Variants in GUCY2C observed in about 807,000 individuals in gnomAD.
GUCY2C encodes the protein guanylate cyclase 2C.
A neutral mutation model predicts 131.1 loss-of-function variants in GUCY2C; 118 were observed. The observed-to-expected ratio is 0.90, with a 90% CI of 0.78 to 1.05. GUCY2C has a LOEUF of 1.05. Among genes scored for constraint, GUCY2C ranks in the 50% least tolerant of loss-of-function variants. The pLI is 0.00. For missense variants in GUCY2C, 1,161 were observed against 1,304.4 expected (o/e 0.89, Z 1.69); for synonymous variants, 452 against 457.8 (o/e 0.99, Z 0.16).
intron 23 of GUCY2C, among the ~76,000 whole-genome samples, chr12:14,620,156 T>C (rs1365548541): frequency 6.6e-6 from 1 of 152,218 alleles, no homozygotes. Flanking sequence ...AAGTTTGGCC[T>C]GAGGCTGCCT....
At chr12:14,640,954 G>T in intron 18 of GUCY2C, 128 bp downstream of exon 18, 1 of 802,354 alleles carries the variant, frequency 1.2e-6, no homozygotes, top group Non-Finnish European at 2.1e-6. Flanking sequence ...GCATAATGCA[G>T]ATGGGAAATC....
intron 1 of GUCY2C, among the ~76,000 whole-genome samples, chr12:14,689,267 G>A (rs7302264): frequency 0.026 from 3,923 of 152,140 alleles, 151 homozygotes; most frequent in African/African-American, 0.091. Context: ...TCAGAATAAC[G>A]CCAATATTTT....
At chr12:14,630,097 C>CTT (rs1159231513) in intron 19 of GUCY2C, among the ~76,000 whole-genome samples, 3 of 143,614 alleles carry the variant, frequency 2.1e-5, no homozygotes, top group East Asian at 2.0e-4. Flanking sequence ...CTGTTTGCAG[C>CTT]TTTTTTTTTT....
chr12:14,671,135 A>G (rs1245969842), intron 9 of GUCY2C, among the ~76,000 whole-genome samples: 2 of 151,818 alleles, frequency 1.3e-5, no homozygotes, highest in Non-Finnish European at 2.9e-5. Flanking sequence ...GACACAGCCA[A>G]ACTATATCAG....
intron 1 of GUCY2C, among the ~76,000 whole-genome samples, chr12:14,689,175 G>A (rs192775764): frequency 6.6e-6 from 1 of 152,326 alleles, no homozygotes; most frequent in Admixed American, 6.5e-5. Context: ...TGGAGCAAAA[G>A]TAGAGAAAAA....
At chr12:14,658,330 C>T (rs897770455) in intron 11 of GUCY2C, among the ~76,000 whole-genome samples, 2 of 151,926 alleles carry the variant, frequency 1.3e-5, no homozygotes, top group African/African-American at 4.8e-5. Context: ...TTTTCTTTGA[C>T]TTTTCCTTTT....
In GUCY2C at chr12:14,625,738, T is replaced by C; in HGVS notation, c.2408+19A>G. The C allele has an allele frequency of 6.2e-7, 1 of 1,611,856 alleles. No homozygotes were observed. The highest frequency in any genetic ancestry group is 8.5e-7 in the Non-Finnish European group (1 of 1,178,396). ...TGCTAGAGGGATTTCAGCCTCCACA[T>C]CAGCAAGGCTTGCCTTACCTTGGAA... On this transcript the variant is annotated intron_variant, in intron 21 of 26. Coordinates refer to ENST00000261170, the MANE Select transcript of GUCY2C (RefSeq NM_004963.4).
rs538815024 is a variant in GUCY2C, at chr12:14,681,389, C to T, written c.700G>A (p.Asp234Asn). The T allele has an allele frequency of 1.3e-4, 207 of 1,612,294 alleles. No individual in the cohort carries two copies. Among genetic ancestry groups the T allele is most frequent in the Middle Eastern group, 1.2e-3 (7 of 6,054 alleles). The change falls in exon 5 of 27, where the codon GAT becomes AAT. Residue 234 changes from aspartate to asparagine, a missense_variant. Asp to Asn is a conservative substitution (Grantham distance 23). Coordinates refer to ENST00000261170, the MANE Select transcript of GUCY2C (RefSeq NM_004963.4). The stretch of plus-strand genomic sequence containing the variant: ...TTCCTGTTGTGGTCCATTAAGATAT[C>T]CTGAAACTCCTTATCTTGTCTTAAC... ...VVLRQDKEFQ[D>N]ILMDHNRKSN... is the part of the protein sequence containing the mutation.
chr12:14,622,232 T>G (rs1191835189), intron 21 of GUCY2C, 35 bp from the exon 22 acceptor site: 4 of 1,310,716 alleles, frequency 3.1e-6, no homozygotes, highest in Admixed American at 2.9e-5. Flanking sequence ...TGCCTTCAAC[T>G]TCAGCAAATT....
At chr12:14,639,270 T>A (rs1947344988) in intron 19 of GUCY2C, among the ~76,000 whole-genome samples, 1 of 128,924 alleles carries the variant, frequency 7.8e-6, no homozygotes, top group African/African-American at 3.0e-5. Flanking sequence ...TGCACTCTAG[T>A]GACAGAGTGA....
intron 17 of GUCY2C, among the ~76,000 whole-genome samples, chr12:14,641,437 T>A (rs1053223351): frequency 2.0e-5 from 3 of 152,152 alleles, no homozygotes; most frequent in African/African-American, 4.8e-5. Context: ...AACTATGAAA[T>A]GTTAGGATTT....
chr12:14,673,727 CT>C (rs1948164716), intron 8 of GUCY2C, among the ~76,000 whole-genome samples: 1 of 152,148 alleles, frequency 6.6e-6, no homozygotes, highest in Admixed American at 6.5e-5. Context: ...AATGTTAAGC[CT>C]GTGCTAATCC....
At chr12:14,628,344 C>A (rs1036210818) in intron 20 of GUCY2C, among the ~76,000 whole-genome samples, 1 of 152,108 alleles carries the variant, frequency 6.6e-6, no homozygotes, top group Admixed American at 6.6e-5. Flanking sequence ...ACTTCTAAAT[C>A]CTAATTACCC....
intron 9 of GUCY2C, 56 bp from the exon 10 acceptor site, chr12:14,669,889 T>C: frequency 1.4e-6 from 1 of 692,954 alleles, no homozygotes; most frequent in Non-Finnish European, 2.5e-6. Flanking sequence ...ATAGAACAAA[T>C]TATGGTGAGA....
intron 26 of GUCY2C, chr12:14,614,591 C>T (rs970523604): frequency 5.2e-6 from 2 of 382,192 alleles, no homozygotes; most frequent in African/African-American, 2.1e-5. Flanking sequence ...ACTGAGCCCC[C>T]ACATCTGATT....
Position 14,679,659 on chromosome 12 carries a change from GA to G in GUCY2C, c.827del (p.Phe276SerfsTer16). ...EDIVIILVDL[F>X]NDQYFEDNVT... ...GTTTTTCCAAATGTTATACCTACTT[GA>G]AAAGATCCACTAGAATAATGACAAT... On this transcript the variant is annotated frameshift_variant, in exon 6 of 27. Transcript: ENST00000261170. LOFTEE classifies it high-confidence loss of function. The G allele has an allele frequency of 6.7e-7, 1 of 1,491,350 alleles. No individual in the cohort carries two copies. Among genetic ancestry groups the G allele is most frequent in the Non-Finnish European group, 9.4e-7 (1 of 1,068,108 alleles). 92.4% of individuals were successfully genotyped at this position (1,491,350 alleles called of 1,614,324 possible).
At chr12:14,662,423 C>T (rs1046733134) in intron 10 of GUCY2C, among the ~76,000 whole-genome samples, 1 of 152,026 alleles carries the variant, frequency 6.6e-6, no homozygotes, top group Non-Finnish European at 1.5e-5. Context: ...TACCTGTAAT[C>T]CCAGCACTTT....
At chr12:14,695,600 C>G (rs1316374360) in intron 1 of GUCY2C, among the ~76,000 whole-genome samples, 1 of 58,626 alleles carries the variant, frequency 1.7e-5, no homozygotes, top group Non-Finnish European at 3.7e-5. Context: ...GACTCCATCT[C>G]AAAAAAAAAA....
At chr12:14,647,219 G>A (rs565320015) in intron 15 of GUCY2C, among the ~76,000 whole-genome samples, 3 of 152,210 alleles carry the variant, frequency 2.0e-5, no homozygotes, top group Non-Finnish European at 4.4e-5. Flanking sequence ...TCATCTGCTT[G>A]TTCATGAGCT....
Sources: allele counts gnomAD v4.1 joint callset (sites outside exome capture counted in the v4.1 genomes callset), GRCh38; gene constraint gnomAD v4.1.1; transcripts MANE v1.5; gene names NCBI Gene and HGNC (gene_info 2026-07-23, HGNC 2026-07-21).